Variants in PHF24 observed in about 807,000 individuals in gnomAD.
The protein encoded by PHF24 is Galpha inhibitory interacting protein.
In PHF24, 25 loss-of-function variants were observed where a neutral mutation model predicts 42.6. The observed-to-expected ratio is 0.59, with a 90% CI of 0.43 to 0.82. PHF24 has a LOEUF of 0.82. Among genes scored for constraint, PHF24 ranks in the 40% least tolerant of loss-of-function variants. PHF24 has a pLI of 0.00. For missense variants in PHF24, 470 were observed against 538.1 expected, an observed-to-expected ratio of 0.87 and a Z score of 1.25; for synonymous variants, 185 against 204.8, an observed-to-expected ratio of 0.90 and a Z score of 0.83.
chr9:34,892,286 G>A, the PHF24 span, among the ~76,000 whole-genome samples: 1 of 152,168 alleles, frequency 6.6e-6, no homozygotes, highest in African/African-American at 2.4e-5. Context: ...AACCCTGAAA[G>A]CTTAGGTGAA....
At chr9:34,810,687 T>C in the PHF24 span, among the ~76,000 whole-genome samples, 4 of 152,344 alleles carry the variant, frequency 2.6e-5, no homozygotes, top group Admixed American at 6.5e-5. Flanking sequence ...GACTTTGGCC[T>C]TTATCTCCCT....
the PHF24 span, among the ~76,000 whole-genome samples, chr9:34,670,274 T>C: frequency 2.0e-5 from 3 of 152,030 alleles, no homozygotes; most frequent in Non-Finnish European, 2.9e-5. Flanking sequence ...AACTGACGGG[T>C]TTTGGGAACT....
the PHF24 span, among the ~76,000 whole-genome samples, chr9:34,811,411 G>A: frequency 8.5e-5 from 13 of 152,276 alleles, no homozygotes; most frequent in African/African-American, 3.1e-4. Context: ...TCTCTGGAAT[G>A]GGTAAGTCAT....
At chr9:34,942,902 T>C in the PHF24 span, among the ~76,000 whole-genome samples, 1 of 151,952 alleles carries the variant, frequency 6.6e-6, no homozygotes, top group Non-Finnish European at 1.5e-5. Flanking sequence ...CTAATGTAAA[T>C]GACGAGTTAA....
chr9:34,828,801 T>C, the PHF24 span, among the ~76,000 whole-genome samples: 1 of 152,210 alleles, frequency 6.6e-6, no homozygotes, highest in Non-Finnish European at 1.5e-5. Flanking sequence ...TGTTCCTCTA[T>C]TTACTGGCTC....
At chr9:34,826,339 A>G in the PHF24 span, among the ~76,000 whole-genome samples, 1 of 152,210 alleles carries the variant, frequency 6.6e-6, no homozygotes, top group African/African-American at 2.4e-5. Context: ...CTGTCCCTGC[A>G]GTGGACACAG....
chr9:34,792,884 G>C, the PHF24 span, among the ~76,000 whole-genome samples: 1 of 152,250 alleles, frequency 6.6e-6, no homozygotes, highest in Admixed American at 6.5e-5. Flanking sequence ...GTTTCCCCAG[G>C]AGGTGGAAAT....
intron 1 of PHF24, among the ~76,000 whole-genome samples, chr9:34,966,116 A>G (rs564436118): frequency 6.6e-6 from 1 of 152,146 alleles, no homozygotes; most frequent in Non-Finnish European, 1.5e-5. Context: ...CACACACACA[A>G]AAAAAGCAGA....
the PHF24 span, among the ~76,000 whole-genome samples, chr9:34,915,734 TGTG>T: frequency 1.3e-5 from 2 of 152,232 alleles, no homozygotes; most frequent in African/African-American, 4.8e-5. Flanking sequence ...CAAACAGAAT[TGTG>T]GTGATTTGTG....
At chr9:34,886,754 A>ATCTATCTATCTGTCTGTCTG in the PHF24 span, among the ~76,000 whole-genome samples, 3 of 147,550 alleles carry the variant, frequency 2.0e-5, no homozygotes, top group African/African-American at 7.7e-5. Context: ...CTATCTATCT[A>ATCTATCTATCTGTCTGTCTG]TCTGTCTGTC....
At chr9:34,720,845 T>G in the PHF24 span, among the ~76,000 whole-genome samples, 3 of 152,144 alleles carry the variant, frequency 2.0e-5, no homozygotes, top group Non-Finnish European at 4.4e-5. Flanking sequence ...GCAGCTTTGA[T>G]CACCTTTTCA....
At chr9:34,852,792 C>G in the PHF24 span, among the ~76,000 whole-genome samples, 1 of 152,174 alleles carries the variant, frequency 6.6e-6, no homozygotes, top group Middle Eastern at 3.4e-3. Context: ...TTTGGCTTTC[C>G]TGTACATGTG....
the PHF24 span, among the ~76,000 whole-genome samples, chr9:34,746,182 C>T: frequency 1.3e-5 from 2 of 152,286 alleles, no homozygotes; most frequent in South Asian, 4.2e-4. Context: ...TTTGGTCAAT[C>T]CTGAAGAGCT....
the PHF24 span, among the ~76,000 whole-genome samples, chr9:34,865,339 G>A: frequency 4.5e-5 from 5 of 110,708 alleles, no homozygotes; most frequent in Admixed American, 8.8e-5. Context: ...CAAGGTGGGC[G>A]GATCACCTGA....
chr9:34,832,834 C>A, the PHF24 span: 2 of 1,551,648 alleles, frequency 1.3e-6, no homozygotes, highest in Non-Finnish European at 1.7e-6. Flanking sequence ...TCTGGGTATT[C>A]TCAGGAATTG....
the PHF24 span, chr9:34,922,045 A>G: frequency 1.3e-6 from 1 of 789,116 alleles, no homozygotes; most frequent in Non-Finnish European, 2.0e-6. Flanking sequence ...CATAAAAACC[A>G]CGTGGGAAAT....
the PHF24 span, among the ~76,000 whole-genome samples, chr9:34,712,908 C>A: frequency 6.6e-6 from 1 of 152,162 alleles, no homozygotes; most frequent in East Asian, 1.9e-4. Flanking sequence ...TCTACTATGT[C>A]CAATATCTGG....
the PHF24 span, among the ~76,000 whole-genome samples, chr9:34,830,624 G>A: frequency 6.6e-6 from 1 of 152,166 alleles, no homozygotes; most frequent in Admixed American, 6.5e-5. Flanking sequence ...CTTTGGTGGT[G>A]GATCACTCAC....
At chr9:34,938,216 A>G in the PHF24 span, among the ~76,000 whole-genome samples, 2 of 152,220 alleles carry the variant, frequency 1.3e-5, no homozygotes, top group African/African-American at 4.8e-5. Context: ...CAGAACTTTC[A>G]AGGTTTAACT....
Sources: allele counts gnomAD v4.1 joint callset (sites outside exome capture counted in the v4.1 genomes callset), GRCh38; gene constraint gnomAD v4.1.1; transcripts MANE v1.5; gene names NCBI Gene and HGNC (gene_info 2026-07-23, HGNC 2026-07-21).